Variants in EPG5 observed in about 807,000 individuals in gnomAD.
The protein encoded by EPG5 is ectopic P granules protein 5 homolog.
Under a neutral mutation model 302.7 loss-of-function variants are expected in EPG5, and 159 were observed. The observed-to-expected ratio is 0.53, with a 90% CI of 0.46 to 0.60. The LOEUF (loss-of-function observed/expected upper bound fraction) is 0.60, where lower values mean the gene tolerates loss of function less well. EPG5 is among the 20% of genes least tolerant of loss of function. EPG5 has a pLI of 0.00. For synonymous variants in EPG5, 1,158 were observed against 1,136.8 expected, an observed-to-expected ratio of 1.02 and a Z score of -0.37; for missense variants, 2,896 against 3,092.4, an observed-to-expected ratio of 0.94 and a Z score of 1.51.
At chr18:45,837,726 G>T in the EPG5 span, 1 of 1,503,328 alleles carries the variant, frequency 6.7e-7, no homozygotes, top group African/African-American at 1.4e-5. Context: ...ACGGCGCTGA[G>T]CCTGCACGGC....
chr18:45,939,064 T>C (rs2050602544), intron 10 of EPG5, among the ~76,000 whole-genome samples: 2 of 152,230 alleles, frequency 1.3e-5, no homozygotes, highest in South Asian at 2.1e-4. Flanking sequence ...TGTGCAGCTA[T>C]GCCCTTGCCT....
chr18:45,839,280 T>C, the EPG5 span, among the ~76,000 whole-genome samples: 1 of 152,336 alleles, frequency 6.6e-6, no homozygotes, highest in East Asian at 1.9e-4. Flanking sequence ...AAATCCCATT[T>C]TGCAATAAGG....
At chr18:45,952,724 C>G in intron 2 of EPG5, 81 bp from the exon 3 acceptor site, 1 of 1,450,832 alleles carries the variant, frequency 6.9e-7, no homozygotes, top group South Asian at 1.2e-5. Flanking sequence ...ATAAGGTACA[C>G]AGGCTTCAGT....
intron 5 of EPG5, among the ~76,000 whole-genome samples, chr18:45,949,188 G>C (rs574015015): frequency 6.6e-6 from 1 of 151,966 alleles, no homozygotes; most frequent in Non-Finnish European, 1.5e-5. Context: ...TGAGTACCAC[G>C]GGAAAAAAGT....
rs1267780149 is a variant in EPG5 at position 45,899,622 on chromosome 18, T to TG, written c.4647-57dup. 4 of 1,579,274 alleles carry TG rather than the reference T, an allele frequency of 2.5e-6. 1 individual carries two copies. Among genetic ancestry groups the TG allele is most frequent in the Non-Finnish European group, 3.5e-6 (4 of 1,152,300 alleles). ...GTCTTAGGAAAGGTTATATGATAGG[T>TG]GATAAAGGCTTCCAGTTACCCACAG... On this transcript the variant is annotated intron_variant, in intron 26 of 43. Coordinates refer to ENST00000282041, the MANE Select transcript of EPG5 (RefSeq NM_020964.3).
chr18:45,871,835 A>G (rs1348239787), intron 35 of EPG5, among the ~76,000 whole-genome samples: 1 of 152,210 alleles, frequency 6.6e-6, no homozygotes, highest in Non-Finnish European at 1.5e-5. Context: ...ACAAAGTTTC[A>G]GAGGGCAGGA....
rs914375074 is a variant in EPG5, at chr18:45,848,761, A to T, written c.*3706T>A. On this transcript the variant is annotated 3_prime_UTR_variant, in exon 44 of 44. Coordinates refer to ENST00000282041, the MANE Select transcript of EPG5 (RefSeq NM_020964.3). Reference sequence around the variant, plus strand: ...TTTCCCCAAACCGTAGCCCAGTTAGACATGATGGTGGAAAAGGTCTAACTA... The same window carrying T: ...TTTCCCCAAACCGTAGCCCAGTTAGTCATGATGGTGGAAAAGGTCTAACTA... The T allele has an allele frequency of 6.6e-6, 1 of 152,232 alleles. No homozygotes were observed. Among genetic ancestry groups the T allele is most frequent in the Non-Finnish European group, 1.5e-5 (1 of 68,040 alleles). 9.4% of individuals were successfully genotyped at this position (152,232 alleles called of 1,614,324 possible).
chr18:45,928,839 A>C (rs760737548), intron 13 of EPG5, 30 bp downstream of exon 13: 2 of 1,591,658 alleles, frequency 1.3e-6, no homozygotes, highest in African/African-American at 2.7e-5. Flanking sequence ...GATTTGAAAA[A>C]ACAAAAACAA....
chr18:45,956,326 A>G (rs1411235835), intron 1 of EPG5, among the ~76,000 whole-genome samples: 1 of 152,234 alleles, frequency 6.6e-6, no homozygotes, highest in African/African-American at 2.4e-5. Flanking sequence ...AGAGAACTAC[A>G]GTGATCTGAC....
At position 45,851,700 on chromosome 18, in the gene EPG5, C is replaced by A. The variant is rs2048425175; in HGVS notation, c.*767G>T. On this transcript the variant is annotated 3_prime_UTR_variant, in exon 44 of 44. Coordinates refer to ENST00000282041, the MANE Select transcript of EPG5 (RefSeq NM_020964.3). ...GGGCCCGAGGGAATGCACAGACTCTCCCGACTAGAGAGAGGCAGCCCTGTC... is the reference window on the plus strand; with the variant it reads ...GGGCCCGAGGGAATGCACAGACTCTACCGACTAGAGAGAGGCAGCCCTGTC... The A allele has an allele frequency of 6.6e-6, 1 of 152,226 alleles. No homozygotes were observed. The highest frequency in any genetic ancestry group is 2.4e-5 in the African/African-American group (1 of 41,450). 9.4% of individuals were successfully genotyped at this position (152,226 alleles called of 1,614,324 possible).
At chr18:45,811,873 C>T in the EPG5 span, among the ~76,000 whole-genome samples, 4 of 152,166 alleles carry the variant, frequency 2.6e-5, no homozygotes, top group Non-Finnish European at 5.9e-5. Context: ...GGGATGCCCT[C>T]TCTCACCACT....
intron 39 of EPG5, among the ~76,000 whole-genome samples, chr18:45,865,012 G>A (rs2048716284): frequency 1.3e-5 from 2 of 152,082 alleles, no homozygotes; most frequent in African/African-American, 4.8e-5. Flanking sequence ...CAGGCCCTGG[G>A]CTTTACCACC....
At chr18:45,834,637 GT>G in the EPG5 span, among the ~76,000 whole-genome samples, 1 of 152,208 alleles carries the variant, frequency 6.6e-6, no homozygotes, top group African/African-American at 2.4e-5. Context: ...CTACAAATCT[GT>G]CTCCTTTTCT....
chr18:45,867,795 T>A (rs968029209), intron 36 of EPG5, 47 bp from the exon 37 acceptor site: 1 of 1,482,244 alleles, frequency 6.7e-7, no homozygotes, highest in African/African-American at 1.4e-5. Flanking sequence ...GTGCTATCTA[T>A]GTATCTGGAA....
chr18:45,917,897 C>T (rs2050068719), intron 16 of EPG5, 78 bp from the exon 17 acceptor site: 1 of 1,499,974 alleles, frequency 6.7e-7, no homozygotes, highest in African/African-American at 1.4e-5. Flanking sequence ...AGTTATGAGC[C>T]TTCAATACCT....
the EPG5 span, among the ~76,000 whole-genome samples, chr18:45,809,415 A>G: frequency 6.6e-6 from 1 of 152,186 alleles, no homozygotes; most frequent in Non-Finnish European, 1.5e-5. Context: ...ACTGCAGACT[A>G]TACATTCTAT....
the EPG5 span, among the ~76,000 whole-genome samples, chr18:45,801,836 T>C: frequency 0.69 from 105,215 of 151,958 alleles, 36,902 homozygotes; most frequent in East Asian, 0.92. Flanking sequence ...GGAGTTCAGA[T>C]GGCAGTTACA....
chr18:45,858,241 C>T (rs943033084), intron 41 of EPG5, among the ~76,000 whole-genome samples, 173 bp from the exon 42 acceptor site: 1 of 152,210 alleles, frequency 6.6e-6, no homozygotes, highest in Non-Finnish European at 1.5e-5. Context: ...ATCTGTGGAA[C>T]ACCTACTACA....
chr18:45,837,000 AAC>A, the EPG5 span: 2 of 1,128,716 alleles, frequency 1.8e-6, no homozygotes, highest in Non-Finnish European at 2.7e-6. Context: ...ATTCACGTGT[AAC>A]CCGGGGTTAA....
Sources: gnomAD v4.1 joint callset for allele counts (sites outside exome capture counted in the v4.1 genomes callset) on GRCh38, gnomAD v4.1.1 for gene constraint, MANE v1.5 for transcripts, NCBI Gene and HGNC (gene_info 2026-07-23, HGNC 2026-07-21) for gene names.